Variants in HLF observed in about 807,000 individuals in gnomAD.
HLF encodes hepatic leukemia factor.
In HLF, 3 loss-of-function variants were observed where a neutral mutation model predicts 22.6. The observed-to-expected ratio is 0.13, with a 90% CI of 0.06 to 0.34. HLF has a LOEUF of 0.34. Ranked by LOEUF, HLF falls within the 10% of genes least tolerant of loss-of-function variation. The pLI is 1.00. For synonymous variants in HLF, 151 were observed against 151.8 expected, an observed-to-expected ratio of 0.99 and a Z score of 0.04; for missense variants, 299 against 389.2, an observed-to-expected ratio of 0.77 and a Z score of 1.95.
At position 55,320,311 on chromosome 17, in the gene HLF, G is replaced by C. The variant is rs551104649; in HGVS notation, c.673-353G>C. Among the ~76,000 whole-genome samples, 3 of 152,308 alleles carry C rather than the reference G, an allele frequency of 2.0e-5. No individual in the cohort carries two copies. The highest frequency in any genetic ancestry group is 1.9e-4 in the East Asian group (1 of 5,180). On this transcript the variant is annotated intron_variant, in intron 3 of 3. Transcript: ENST00000226067. The surrounding 1 kb of genome is among the most constrained non-coding windows in gnomAD (Gnocchi z 4.2). ...CATATGAGTGCCCTTGAAGGAAAAG[G>C]GTTCTTAAAATGTTGAGCAGGGAGA... is the stretch of plus-strand genomic sequence containing the variant.
chr17:55,288,063 G>A (rs1447073204), intron 2 of HLF, among the ~76,000 whole-genome samples: 1 of 152,170 alleles, frequency 6.6e-6, no homozygotes, highest in East Asian at 1.9e-4. Context: ...AGGAGGCGAA[G>A]TGCAGATATA....
rs554489264 is a variant in HLF at position 55,290,846 on chromosome 17, G to A, written c.451+22760G>A. Among the ~76,000 whole-genome samples, 10 of 152,296 alleles carry A rather than the reference G, an allele frequency of 6.6e-5. No homozygotes were observed. The East Asian group carries it at 1.9e-3, about 29-fold the overall frequency. On this transcript the variant is annotated intron_variant, in intron 2 of 3. Coordinates refer to ENST00000226067, the MANE Select transcript of HLF (RefSeq NM_002126.5). ...TTGTGAATGCAAAGGAAAAGTTCTTGAAGGAAATTCAAAGCACTACTCCAG... is the reference window on the plus strand; with the variant it reads ...TTGTGAATGCAAAGGAAAAGTTCTTAAAGGAAATTCAAAGCACTACTCCAG...
chr17:55,283,706 A>G (rs2080975790), intron 2 of HLF: 1 of 152,210 alleles, frequency 6.6e-6, no homozygotes. Flanking sequence ...ACGTAAGTCC[A>G]TGGATACTCC....
At chr17:55,287,661 A>G (rs1303682607) in intron 2 of HLF, among the ~76,000 whole-genome samples, 1 of 152,242 alleles carries the variant, frequency 6.6e-6, no homozygotes, top group East Asian at 1.9e-4. Flanking sequence ...TGTTTGGCCT[A>G]TCCTCATACC....
Position 55,265,163 on chromosome 17 carries a change from CT to C in HLF, c.-315del. 1 of 233,024 alleles carries C rather than the reference CT, an allele frequency of 4.3e-6. No homozygotes were observed. The highest frequency in any genetic ancestry group is 8.4e-6 in the Non-Finnish European group (1 of 119,462). The allele number at this position is 233,024 out of a possible 1,614,324, so 14.4% of individuals were successfully genotyped here. A position where few individuals can be genotyped will look rare whatever the true frequency, so the allele number is the denominator to read the frequency against. On this transcript the variant is annotated 5_prime_UTR_variant, in exon 1 of 4. Coordinates refer to ENST00000226067, the MANE Select transcript of HLF (RefSeq NM_002126.5). ...CAGCCGTCGACATTTTTTTTTCTTTCTTTTTTTCAATTTTGAACATTTTGCA... is the reference window on the plus strand; with the variant it reads ...CAGCCGTCGACATTTTTTTTTCTTTCTTTTTTCAATTTTGAACATTTTGCA...
intron 2 of HLF, among the ~76,000 whole-genome samples, chr17:55,295,506 A>G (rs757821356): frequency 5.3e-5 from 8 of 152,210 alleles, no homozygotes; most frequent in Admixed American, 3.3e-4. Flanking sequence ...CTGGCAAGGG[A>G]CCTGCGGCTC....
chr17:55,292,486 A>G (rs759289365), intron 2 of HLF, among the ~76,000 whole-genome samples: 6 of 152,228 alleles, frequency 3.9e-5, no homozygotes, highest in Non-Finnish European at 7.3e-5. Context: ...TTTAGTCATA[A>G]TGGTATTACA....
Position 55,265,407 on chromosome 17 carries a change from A to C in HLF, c.-78A>C, listed in dbSNP as rs1354332871. Reference sequence around the variant, plus strand: ...GTACTTTTGGCAAAGGACGGAGGAAAAGCTCAGCAACATTTTAGGGGGCGG... The same window carrying C: ...GTACTTTTGGCAAAGGACGGAGGAACAGCTCAGCAACATTTTAGGGGGCGG... On this transcript the variant is annotated 5_prime_UTR_variant, in exon 1 of 4. Transcript: ENST00000226067. The C allele has an allele frequency of 3.5e-6, 3 of 854,282 alleles. No individual in the cohort carries two copies. Among genetic ancestry groups the C allele is most frequent in the African/African-American group, 3.4e-5 (2 of 58,336 alleles). The allele number at this position is 854,282 out of a possible 1,614,324, so 52.9% of individuals were successfully genotyped here.
At chr17:55,310,404 G>T (rs527925727) in intron 2 of HLF, among the ~76,000 whole-genome samples, 21 of 152,272 alleles carry the variant, frequency 1.4e-4, no homozygotes, top group African/African-American at 5.1e-4. Context: ...GCATTTAAGA[G>T]AACTTAATAC....
intron 2 of HLF, among the ~76,000 whole-genome samples, chr17:55,301,591 C>T (rs540665311): frequency 7.6e-4 from 115 of 152,268 alleles, no homozygotes; most frequent in African/African-American, 2.4e-3. Flanking sequence ...ATAGAAGTGG[C>T]GAAGACGCAA....
chr17:55,266,651 G>A (rs2080793954), intron 1 of HLF: 1 of 164,542 alleles, frequency 6.1e-6, no homozygotes, highest in Non-Finnish European at 1.3e-5. Flanking sequence ...GCTGCCTGCA[G>A]GCTTTTGCAT....
At chr17:55,315,880 C>T (rs1285261439) in intron 3 of HLF, among the ~76,000 whole-genome samples, 7 of 152,180 alleles carry the variant, frequency 4.6e-5, no homozygotes, top group Admixed American at 3.9e-4. Flanking sequence ...CTGCCATTTC[C>T]CTGTAGGCTG....
chr17:55,284,116 G>A (rs1339423419), intron 2 of HLF: 1 of 152,218 alleles, frequency 6.6e-6, no homozygotes, highest in Non-Finnish European at 1.5e-5. Context: ...GGGGAGTGTA[G>A]TGCTTTTTGC....
In HLF at chr17:55,320,679, G is replaced by A. The variant is rs2145379971; in HGVS notation, c.688G>A (p.Ala230Thr). ...TAATGAGCAGGATGACAAGTACTGG[G>A]CAAGGCGCAGAAAGAACAACATGGC... is the stretch of plus-strand genomic sequence containing the variant. ...PDDLKDDKYWARRRKNNMAAK... is the reference protein window; with the variant it reads ...PDDLKDDKYWTRRRKNNMAAK... The change falls in exon 4 of 4, where the codon GCA becomes ACA. Residue 230 changes from alanine (A) to threonine (T), a missense_variant. This residue lies in a region of HLF where 224 missense variants were observed against 298.1 expected (regional missense o/e 0.75). Transcript: ENST00000226067. This position sits in a 1 kb window ranked among gnomAD's most constrained non-coding sequence, Gnocchi z 4.2. The A allele has an allele frequency of 6.2e-7, 1 of 1,614,138 alleles. No homozygotes were observed. The highest frequency in any genetic ancestry group is 8.5e-7 in the Non-Finnish European group (1 of 1,179,974).
intron 2 of HLF, among the ~76,000 whole-genome samples, chr17:55,298,696 C>G (rs776089756): frequency 3.3e-5 from 5 of 152,088 alleles, no homozygotes; most frequent in Non-Finnish European, 7.4e-5. Context: ...TGAAAATTTA[C>G]CTACTTCTCC....
chr17:55,265,666 C>T, intron 1 of HLF, 67 bp downstream of exon 1: 2 of 1,247,254 alleles, frequency 1.6e-6, no homozygotes, highest in Non-Finnish European at 2.2e-6. Flanking sequence ...CGCGGCCGGG[C>T]ACGCCCGCTG....
chr17:55,304,400 A>T (rs1904447812), intron 2 of HLF, among the ~76,000 whole-genome samples: 1 of 152,186 alleles, frequency 6.6e-6, no homozygotes. Context: ...ATTAGTTGTC[A>T]TGTCTGTTGT....
At chr17:55,304,691 G>A (rs1272240824) in intron 2 of HLF, among the ~76,000 whole-genome samples, 1 of 152,212 alleles carries the variant, frequency 6.6e-6, no homozygotes, top group Non-Finnish European at 1.5e-5. Flanking sequence ...GGCTTTGCTT[G>A]GGCTGTAGCT....
In HLF at chr17:55,320,864, G is replaced by T. The variant is rs1212347320; in HGVS notation, c.873G>T (p.Arg291Ser). 1 of 1,612,058 alleles carries T rather than the reference G, an allele frequency of 6.2e-7. No homozygotes were observed. Among genetic ancestry groups the T allele is most frequent in the Non-Finnish European group, 8.5e-7 (1 of 1,179,522 alleles). Residue 291 changes from arginine to serine, a missense_variant, in exon 4 of 4, where the codon AGG becomes AGT. Arg to Ser is a moderately radical substitution (Grantham distance 110, BLOSUM62 -1). Around this residue, in one of 3 missense-constraint regions of HLF, gnomAD observed 224 missense variants for 298.1 expected, o/e 0.75. Coordinates refer to ENST00000226067, the MANE Select transcript of HLF (RefSeq NM_002126.5). The surrounding 1 kb of genome is among the most constrained non-coding windows in gnomAD (Gnocchi z 4.2). ...ACATACTTGCCAAGTATGAGGCCAG[G>T]CACGGGCCCCTGTAGGATGGCATTT... ...CKNILAKYEA[R>S]HGPL
Sources: allele counts gnomAD v4.1 joint callset (sites outside exome capture counted in the v4.1 genomes callset), GRCh38; gene constraint gnomAD v4.1.1; regional missense constraint gnomAD v4.1.1; non-coding constraint Gnocchi (gnomAD v3.1); transcripts MANE v1.5; gene names NCBI Gene and HGNC (gene_info 2026-07-23, HGNC 2026-07-21).